Variants in CTNND2 observed in about 807,000 individuals in gnomAD.
CTNND2 encodes the protein catenin delta-2.
A neutral mutation model predicts 144.4 loss-of-function variants in CTNND2; 22 were observed. The observed-to-expected ratio is 0.15, with a 90% confidence interval of 0.11 to 0.22. CTNND2 has a LOEUF of 0.22. Among genes scored for constraint, CTNND2 ranks in the 10% least tolerant of loss-of-function variants. The pLI is 1.00. For synonymous variants in CTNND2, 751 were observed against 695.6 expected, an observed-to-expected ratio of 1.08 and a Z score of -1.25; for missense variants, 1,353 against 1,618.8, an observed-to-expected ratio of 0.84 and a Z score of 2.82.
chr5:11,797,729 T>C (rs776998071), intron 1 of CTNND2, among the ~76,000 whole-genome samples: 18 of 152,218 alleles, frequency 1.2e-4, no homozygotes, highest in Non-Finnish European at 2.4e-4. Flanking sequence ...AAATTTAAGA[T>C]AACATCATTT....
At chr5:10,996,839 C>A (rs552355240) in intron 18 of CTNND2, among the ~76,000 whole-genome samples, 2 of 152,050 alleles carry the variant, frequency 1.3e-5, no homozygotes, top group South Asian at 4.1e-4. Flanking sequence ...CCTCTTGATC[C>A]GCCTGCCTCA....
chr5:11,024,721 G>C (rs1033842473), intron 16 of CTNND2, among the ~76,000 whole-genome samples: 1 of 152,010 alleles, frequency 6.6e-6, no homozygotes, highest in South Asian at 2.1e-4. Flanking sequence ...TGAAGAGAGG[G>C]TTAAGAATTT....
chr5:11,439,582 G>A (rs1187851529), intron 3 of CTNND2, among the ~76,000 whole-genome samples: 1 of 152,016 alleles, frequency 6.6e-6, no homozygotes, highest in Non-Finnish European at 1.5e-5. Flanking sequence ...GCTCAGGCTG[G>A]AGTGCACTGG....
intron 11 of CTNND2, among the ~76,000 whole-genome samples, chr5:11,192,274 G>A (rs1004974306): frequency 6.6e-6 from 1 of 152,138 alleles, no homozygotes; most frequent in African/African-American, 2.4e-5. Flanking sequence ...CACAGATGAT[G>A]GACTCTCAAA....
At chr5:11,335,596 AG>A (rs1753657381) in intron 9 of CTNND2, among the ~76,000 whole-genome samples, 1 of 152,194 alleles carries the variant, frequency 6.6e-6, no homozygotes, top group African/African-American at 2.4e-5. Context: ...TACACATTGA[AG>A]AATAAGGGAA....
At chr5:11,367,606 A>G (rs796615500) in intron 7 of CTNND2, among the ~76,000 whole-genome samples, 4 of 152,364 alleles carry the variant, frequency 2.6e-5, no homozygotes, top group African/African-American at 7.2e-5. Context: ...GAGAATTTAC[A>G]TCTTTGCCAG....
intron 3 of CTNND2, among the ~76,000 whole-genome samples, chr5:11,433,151 CAGG>C (rs1449039604): frequency 6.6e-6 from 1 of 151,616 alleles, no homozygotes; most frequent in Non-Finnish European, 1.5e-5. Context: ...GAGGCTGAGG[CAGG>C]AGAATGGCGT....
chr5:11,771,625 T>C (rs1789946840), intron 1 of CTNND2, among the ~76,000 whole-genome samples: 1 of 152,178 alleles, frequency 6.6e-6, no homozygotes, highest in Non-Finnish European at 1.5e-5. Context: ...AGACCTCACT[T>C]AATACCTTCT....
At chr5:11,347,603 T>C (rs1411564532) in intron 8 of CTNND2, among the ~76,000 whole-genome samples, 1 of 152,232 alleles carries the variant, frequency 6.6e-6, no homozygotes, top group Non-Finnish European at 1.5e-5. Flanking sequence ...TTAACTGCTT[T>C]AGACTGCTAG....
At chr5:11,558,481 T>G (rs999867658) in intron 3 of CTNND2, among the ~76,000 whole-genome samples, 2 of 151,992 alleles carry the variant, frequency 1.3e-5, no homozygotes, top group African/African-American at 4.8e-5. Context: ...TCTTCCCAAC[T>G]TAGCCTCCAG....
intron 3 of CTNND2, among the ~76,000 whole-genome samples, chr5:11,558,341 C>CACGTGTGTGTGTGTGTGTGTGT (rs1554083650): frequency 7.6e-6 from 1 of 132,120 alleles, no homozygotes; most frequent in Non-Finnish European, 1.6e-5. Flanking sequence ...GTGAGAAACA[C>CACGTGTGTGTGTGTGTGTGTGT]GTGTGTGTGT....
At chr5:11,306,301 T>C (rs1458564860) in intron 9 of CTNND2, among the ~76,000 whole-genome samples, 1 of 152,166 alleles carries the variant, frequency 6.6e-6, no homozygotes, top group African/African-American at 2.4e-5. Context: ...TGTTTGAAAA[T>C]ACAGTTGTTC....
At chr5:11,625,507 A>C (rs1488347381) in intron 2 of CTNND2, among the ~76,000 whole-genome samples, 2 of 152,098 alleles carry the variant, frequency 1.3e-5, no homozygotes, top group East Asian at 3.9e-4. Flanking sequence ...ATGTAAAATT[A>C]TAAAACCTCT....
chr5:11,764,007 T>C (rs1789434223), intron 1 of CTNND2, among the ~76,000 whole-genome samples: 1 of 152,092 alleles, frequency 6.6e-6, no homozygotes, highest in African/African-American at 2.4e-5. Flanking sequence ...GAAAGTTAGG[T>C]TTCTAACTAG....
At chr5:11,284,725 C>T (rs182176393) in intron 9 of CTNND2, among the ~76,000 whole-genome samples, 2 of 152,322 alleles carry the variant, frequency 1.3e-5, no homozygotes, top group African/African-American at 4.8e-5. Flanking sequence ...AATGAACATA[C>T]ATGTACATGT....
rs75102962 is a variant in CTNND2, at chr5:11,886,046, T to C, written c.37+17771A>G. Among the ~76,000 whole-genome samples, 906 of 151,944 alleles carry C rather than the reference T, an allele frequency of 6.0e-3. 13 individuals are homozygous for C. The highest frequency in any genetic ancestry group is 0.021 in the African/African-American group (866 of 41,450). On this transcript the variant is annotated intron_variant, in intron 1 of 21. Transcript: ENST00000304623. ...CAAAAAAGCAGTACAGAGAGGAAGT[T>C]TACAGCAATAAATGCCTACATCAAA...
At chr5:11,343,315 C>T (rs1370855868) in intron 9 of CTNND2, among the ~76,000 whole-genome samples, 2 of 152,202 alleles carry the variant, frequency 1.3e-5, no homozygotes, top group Admixed American at 1.3e-4. Flanking sequence ...TGCTTAAACA[C>T]TTCTCACTGA....
At chr5:11,432,843 T>C (rs1581183766) in intron 3 of CTNND2, among the ~76,000 whole-genome samples, 1 of 152,208 alleles carries the variant, frequency 6.6e-6, no homozygotes, top group African/African-American at 2.4e-5. Flanking sequence ...TGTGATTTAA[T>C]GGAATTTTAT....
intron 12 of CTNND2, among the ~76,000 whole-genome samples, chr5:11,122,085 G>A (rs1340864677): frequency 6.6e-6 from 1 of 152,098 alleles, no homozygotes; most frequent in East Asian, 1.9e-4. Context: ...CCATCGGATT[G>A]GAATTCAGGA....
Sources: allele counts gnomAD v4.1 joint callset (sites outside exome capture counted in the v4.1 genomes callset), GRCh38; gene constraint gnomAD v4.1.1; transcripts MANE v1.5; gene names NCBI Gene and HGNC (gene_info 2026-07-23, HGNC 2026-07-21).